ZC3H18: variants seen among roughly 807,000 people sequenced by gnomAD.
ZC3H18 encodes zinc finger CCCH domain-containing protein 18.
A neutral mutation model predicts 106.1 loss-of-function variants in ZC3H18; 8 were observed. That is an observed-to-expected ratio of 0.08 (90% CI 0.04 to 0.14). The LOEUF is 0.14. Ranked by LOEUF, ZC3H18 falls within the 10% of genes least tolerant of loss-of-function variation. The probability of loss-of-function intolerance (pLI) is 1.00; values close to 1 mark genes in which losing one functional copy is unlikely to be tolerated. For missense variants in ZC3H18, 1,318 were observed against 1,278.4 expected, an observed-to-expected ratio of 1.03 and a Z score of -0.47; for synonymous variants, 635 against 522.1, an observed-to-expected ratio of 1.22 and a Z score of -2.95.
intron 6 of ZC3H18, among the ~76,000 whole-genome samples, chr16:88,606,518 C>T (rs183010224): frequency 6.6e-6 from 1 of 152,362 alleles, no homozygotes; most frequent in East Asian, 1.9e-4. Flanking sequence ...GAACACACGC[C>T]TCACACATTT....
At chr16:88,628,329 G>T (rs778423452) in intron 15 of ZC3H18, among the ~76,000 whole-genome samples, 1 of 152,016 alleles carries the variant, frequency 6.6e-6, no homozygotes, top group Non-Finnish European at 1.5e-5. Flanking sequence ...GGTGCTGCTG[G>T]CCTCTCTCTG....
intron 17 of ZC3H18, 98 bp from the exon 18 acceptor site, chr16:88,631,003 C>G (rs1313476202): frequency 1.3e-6 from 2 of 1,487,296 alleles, no homozygotes; most frequent in South Asian, 1.2e-5. Flanking sequence ...TCCTGGTGGC[C>G]GCTGAGGACA....
chr16:88,598,469 C>G (rs1904567537), intron 4 of ZC3H18, 143 bp downstream of exon 4: 2 of 1,465,796 alleles, frequency 1.4e-6, no homozygotes, highest in African/African-American at 1.4e-5. Flanking sequence ...TGGAAGCAGG[C>G]CTCGGCTTTC....
At chr16:88,572,820 T>A (rs1206678059) in intron 1 of ZC3H18, among the ~76,000 whole-genome samples, 1 of 151,336 alleles carries the variant, frequency 6.6e-6, no homozygotes, top group African/African-American at 2.4e-5. Flanking sequence ...TGCAGTGGCA[T>A]GATCTCGGCT....
chr16:88,611,388 GACAA>G lies in ZC3H18; in HGVS notation c.1328_1331del (p.Asp443GlyfsTer66). On this transcript the variant is annotated frameshift_variant, in exon 8 of 18. Transcript: ENST00000301011. LOFTEE classifies it high-confidence loss of function. ...CGAGCGAGAGCGGGAGCGCGAGCGC[GACAA>G]GGAGCGGCAGCGGAGGAAGGAGGAG... is the stretch of plus-strand genomic sequence containing the variant. The G allele has an allele frequency of 8.5e-7, 1 of 1,176,850 alleles. No homozygotes were observed. The highest frequency in any genetic ancestry group is 1.2e-6 in the Non-Finnish European group (1 of 804,918). 72.9% of individuals were successfully genotyped at this position (1,176,850 alleles called of 1,614,324 possible). A position where few individuals can be genotyped will look rare whatever the true frequency, so the allele number is the denominator to read the frequency against.
chr16:88,623,499 C>A, intron 10 of ZC3H18, 155 bp downstream of exon 10: 1 of 1,003,678 alleles, frequency 1.0e-6, no homozygotes, highest in Non-Finnish European at 1.4e-6. Context: ...TGTCCTGTGT[C>A]CCCCACCAAA....
At chr16:88,616,858 T>G (rs1905640022) in intron 8 of ZC3H18, among the ~76,000 whole-genome samples, 1 of 152,166 alleles carries the variant, frequency 6.6e-6, no homozygotes, top group East Asian at 1.9e-4. Context: ...GCACCAGGGC[T>G]AGGCCTTGCA....
intron 12 of ZC3H18, 108 bp downstream of exon 12, chr16:88,624,853 G>A: frequency 7.0e-7 from 1 of 1,431,664 alleles, no homozygotes. Flanking sequence ...CCAGGTGGTG[G>A]GAAGCGCCCC....
chr16:88,593,779 A>G (rs1354864323), intron 3 of ZC3H18, among the ~76,000 whole-genome samples: 1 of 152,248 alleles, frequency 6.6e-6, no homozygotes, highest in East Asian at 1.9e-4. Context: ...AACAACGGAC[A>G]GTGTTAGCAG....
intron 3 of ZC3H18, among the ~76,000 whole-genome samples, chr16:88,589,327 A>G (rs1915610880): frequency 2.6e-5 from 4 of 152,238 alleles, no homozygotes; most frequent in Admixed American, 2.6e-4. Context: ...AGCCAAGAGA[A>G]ACGGACGTGT....
chr16:88,603,982 T>A (rs1185730908), intron 6 of ZC3H18, among the ~76,000 whole-genome samples: 1 of 152,080 alleles, frequency 6.6e-6, no homozygotes, highest in Non-Finnish European at 1.5e-5. Flanking sequence ...ACAGACGCAC[T>A]CTGATTCGCA....
chr16:88,612,348 C>T (rs1011413597), intron 8 of ZC3H18, among the ~76,000 whole-genome samples: 3 of 151,934 alleles, frequency 2.0e-5, no homozygotes, highest in African/African-American at 4.8e-5. Context: ...CAGCCATCAT[C>T]GCAATCAACA....
chr16:88,575,264 AT>A (rs968753254), intron 1 of ZC3H18, among the ~76,000 whole-genome samples: 2 of 152,012 alleles, frequency 1.3e-5, no homozygotes, highest in African/African-American at 4.8e-5. Context: ...AAAGATGAAT[AT>A]TTTTATCTTT....
intron 11 of ZC3H18, 176 bp downstream of exon 11, chr16:88,624,238 C>A: frequency 1.2e-6 from 1 of 853,694 alleles, no homozygotes; most frequent in Non-Finnish European, 1.8e-6. Context: ...CCTGTTCTCA[C>A]GGGCCACCCT....
intron 6 of ZC3H18, among the ~76,000 whole-genome samples, chr16:88,602,845 C>A (rs1904817765): frequency 6.6e-6 from 1 of 152,196 alleles, no homozygotes; most frequent in Non-Finnish European, 1.5e-5. Flanking sequence ...GAAGCACCTT[C>A]ATGCAGGCAG....
chr16:88,630,734 G>T (rs1906612979), intron 17 of ZC3H18, among the ~76,000 whole-genome samples, 153 bp downstream of exon 17: 2 of 138,910 alleles, frequency 1.4e-5, no homozygotes, highest in Admixed American at 8.1e-5. Flanking sequence ...GGCATGGACA[G>T]CGAATTGCAG....
rs1165921524 is a variant in ZC3H18 at position 88,625,235 on chromosome 16, TAGC to T, written c.2080_2082del (p.Ser694del). ...TAAGCGGCAGCGGCAGTGGCAGTGG[TAGC>T]AGCTATAGTGGTTCCAGCTCCCGAT... On this transcript the variant is annotated inframe_deletion, in exon 13 of 18. Coordinates refer to ENST00000301011, the MANE Select transcript of ZC3H18 (RefSeq NM_144604.4). The T allele has an allele frequency of 1.3e-6, 2 of 1,593,190 alleles. No individual in the cohort carries two copies. Among genetic ancestry groups the T allele is most frequent in the Non-Finnish European group, 1.7e-6 (2 of 1,170,188 alleles).
intron 1 of ZC3H18, among the ~76,000 whole-genome samples, chr16:88,575,754 C>T (rs1914709181): frequency 6.6e-6 from 1 of 151,916 alleles, no homozygotes; most frequent in African/African-American, 2.4e-5. Context: ...CACTCTGTTG[C>T]CCAGGCTGAA....
chr16:88,625,158 G>C (rs1906223268), intron 12 of ZC3H18, 44 bp from the exon 13 acceptor site: 2 of 1,552,398 alleles, frequency 1.3e-6, no homozygotes, highest in Non-Finnish European at 1.7e-6. Flanking sequence ...GCGAGGGGCT[G>C]TGGAGGCCAC....
Sources: gnomAD v4.1 joint callset for allele counts (sites outside exome capture counted in the v4.1 genomes callset) on GRCh38, gnomAD v4.1.1 for gene constraint, MANE v1.5 for transcripts, NCBI Gene and HGNC (gene_info 2026-07-23, HGNC 2026-07-21) for gene names.